RAD51B: variants seen among roughly 807,000 people sequenced by gnomAD.
RAD51B encodes the protein DNA repair protein RAD51 homolog 2.
A neutral mutation model predicts 42.2 loss-of-function variants in RAD51B; 38 were observed. The observed-to-expected ratio is 0.90, with a 90% confidence interval of 0.70 to 1.18. The LOEUF (loss-of-function observed/expected upper bound fraction) is 1.18, where lower values mean the gene tolerates loss of function less well. Ranked by LOEUF, RAD51B falls within the 50% of genes most tolerant of loss-of-function variation. The pLI is 0.00. For synonymous variants in RAD51B, 154 were observed against 145.2 expected, an observed-to-expected ratio of 1.06 and a Z score of -0.43; for missense variants, 373 against 400.7, an observed-to-expected ratio of 0.93 and a Z score of 0.59.
At chr14:67,860,730 A>C (rs986383) in intron 4 of RAD51B, among the ~76,000 whole-genome samples, 18,857 of 152,176 alleles carry the variant, frequency 0.12, 1,573 homozygotes, top group Middle Eastern at 0.27. Context: ...AAATACAGTA[A>C]AAATTTTAAA....
intron 8 of RAD51B, among the ~76,000 whole-genome samples, chr14:68,313,516 C>A (rs2082000342): frequency 6.6e-6 from 1 of 152,172 alleles, no homozygotes; most frequent in Admixed American, 6.5e-5. Context: ...CCCTTTAGTT[C>A]CGCTGCTGTC....
At chr14:68,230,733 C>G (rs1447213623) in intron 7 of RAD51B, among the ~76,000 whole-genome samples, 1 of 152,170 alleles carries the variant, frequency 6.6e-6, no homozygotes, top group Non-Finnish European at 1.5e-5. Flanking sequence ...CCAAAAAGAC[C>G]CTTATCCGGC....
At chr14:68,270,394 T>A (rs1168812995) in intron 7 of RAD51B, among the ~76,000 whole-genome samples, 45 of 152,128 alleles carry the variant, frequency 3.0e-4, no homozygotes, top group Admixed American at 2.9e-3. Flanking sequence ...AATAGAGGAG[T>A]TCTTTTTTTA....
intron 5 of RAD51B, among the ~76,000 whole-genome samples, chr14:67,871,053 A>C (rs1385285526): frequency 6.6e-6 from 1 of 152,180 alleles, no homozygotes; most frequent in Non-Finnish European, 1.5e-5. Flanking sequence ...AAACACATTC[A>C]AAAGCTAGCA....
intron 7 of RAD51B, among the ~76,000 whole-genome samples, chr14:68,147,587 G>T (rs888582811): frequency 6.6e-6 from 1 of 152,026 alleles, no homozygotes; most frequent in African/African-American, 2.4e-5. Context: ...CTTGTAATCT[G>T]ATATCTATCT....
At chr14:68,183,348 T>C (rs1403932620) in intron 7 of RAD51B, among the ~76,000 whole-genome samples, 1 of 119,034 alleles carries the variant, frequency 8.4e-6, no homozygotes, top group African/African-American at 3.2e-5. Context: ...GCAGGAAGCA[T>C]CCAGCACAGG....
chr14:68,586,245 C>T (rs1890469242), intron 10 of RAD51B, among the ~76,000 whole-genome samples: 1 of 152,186 alleles, frequency 6.6e-6, no homozygotes, highest in Non-Finnish European at 1.5e-5. Flanking sequence ...CCTCAAGTAA[C>T]CCGATGGACC....
chr14:67,987,198 C>T (rs902730788), intron 7 of RAD51B, among the ~76,000 whole-genome samples: 14 of 152,182 alleles, frequency 9.2e-5, no homozygotes, highest in African/African-American at 3.4e-4. Flanking sequence ...AATACAATTA[C>T]AATCTTAGTT....
At chr14:67,979,522 A>G (rs1195604248) in intron 7 of RAD51B, among the ~76,000 whole-genome samples, 1 of 152,122 alleles carries the variant, frequency 6.6e-6, no homozygotes, top group Non-Finnish European at 1.5e-5. Flanking sequence ...CTACTAGGAT[A>G]ATCTTTCATA....
At chr14:68,261,709 G>A (rs889754266) in intron 7 of RAD51B, among the ~76,000 whole-genome samples, 11 of 152,244 alleles carry the variant, frequency 7.2e-5, no homozygotes, top group East Asian at 1.9e-4. Context: ...CAATCCCCAC[G>A]TAAGATGTAA....
intron 8 of RAD51B, among the ~76,000 whole-genome samples, chr14:68,311,037 G>A (rs950732619): frequency 5.9e-5 from 9 of 151,868 alleles, no homozygotes; most frequent in Admixed American, 4.6e-4. Context: ...GTAGATTGTC[G>A]GTGCCATGTC....
chr14:68,096,358 G>A (rs1432485565), intron 7 of RAD51B, among the ~76,000 whole-genome samples: 2 of 152,260 alleles, frequency 1.3e-5, no homozygotes, highest in East Asian at 3.9e-4. Flanking sequence ...AGAATATTGT[G>A]TGAATGACTT....
intron 8 of RAD51B, among the ~76,000 whole-genome samples, chr14:68,376,115 A>G (rs1437907019): frequency 6.6e-6 from 1 of 152,170 alleles, no homozygotes; most frequent in Non-Finnish European, 1.5e-5. Flanking sequence ...GGGTGTTATT[A>G]AAGTAGGCTT....
intron 7 of RAD51B, among the ~76,000 whole-genome samples, chr14:68,134,534 A>G (rs546305797): frequency 6.6e-6 from 1 of 152,322 alleles, no homozygotes; most frequent in East Asian, 1.9e-4. Flanking sequence ...GTTTTCCAGA[A>G]TGGCGATTCC....
At chr14:68,480,913 C>T (rs1184838729), downstream of RAD51B, among the ~76,000 whole-genome samples, 1 of 152,188 alleles carries the variant, frequency 6.6e-6, no homozygotes, top group African/African-American at 2.4e-5. Context: ...CTATTTCCAG[C>T]TATCCTACCA....
rs531413962 is a variant in RAD51B, at chr14:68,526,404, T to C, written c.1036+58154T>C. On this transcript the variant is annotated intron_variant, in intron 10 of 10. Transcript: ENST00000487270. ...TTTCCACAGCAACAAACCCACCTAATGATATATTTCTCAGAACGTGTCGTT... is the reference window on the plus strand; with the variant it reads ...TTTCCACAGCAACAAACCCACCTAACGATATATTTCTCAGAACGTGTCGTT... Among the ~76,000 whole-genome samples, 6 of 152,254 alleles carry C rather than the reference T, an allele frequency of 3.9e-5. No homozygotes were observed. In the South Asian group the frequency reaches 1.2e-3, roughly 31 times the overall value.
In RAD51B at chr14:68,572,299, C is replaced by T. The variant is rs565076188; in HGVS notation, c.1037-22186C>T. Among the ~76,000 whole-genome samples, 22 of 152,382 alleles carry T rather than the reference C, an allele frequency of 1.4e-4. No homozygotes were observed. In the South Asian group the frequency reaches 3.9e-3, roughly 27 times the overall value. ...AGTCTCTCCCAGGCATCAGCCCTAA[C>T]CCTGTGGCATGGGCCCTGCCCAGCT... On this transcript the variant is annotated intron_variant, in intron 10 of 10. Coordinates refer to the RAD51B transcript ENST00000487270.
At chr14:68,390,701 G>C (rs2083721868) in intron 8 of RAD51B, among the ~76,000 whole-genome samples, 1 of 152,168 alleles carries the variant, frequency 6.6e-6, no homozygotes, top group East Asian at 1.9e-4. Context: ...GATATTAGAG[G>C]CCCTGTGGTC....
At chr14:68,188,296 T>C (rs569705235) in intron 7 of RAD51B, among the ~76,000 whole-genome samples, 1 of 151,818 alleles carries the variant, frequency 6.6e-6, no homozygotes, top group African/African-American at 2.4e-5. Context: ...TCTTCCCTTC[T>C]TCCTTTTTTT....
Sources: allele counts gnomAD v4.1 joint callset (sites outside exome capture counted in the v4.1 genomes callset), GRCh38; gene constraint gnomAD v4.1.1; transcripts MANE v1.5; gene names NCBI Gene and HGNC (gene_info 2026-07-23, HGNC 2026-07-21).